NDUFA10: variants seen among roughly 807,000 people sequenced by gnomAD.
The protein encoded by NDUFA10 is NADH:ubiquinone oxidoreductase subunit A10.
In NDUFA10, 40 loss-of-function variants were observed where a neutral mutation model predicts 47.8. The ratio of observed to expected loss-of-function variants is 0.84; its 90% confidence interval spans 0.65 to 1.09. The LOEUF (loss-of-function observed/expected upper bound fraction) is 1.09, where lower values mean the gene tolerates loss of function less well. NDUFA10 is among the 50% of genes least tolerant of loss of function. The pLI is 0.00. For missense variants in NDUFA10, 413 were observed against 451.1 expected (o/e 0.92, Z 0.76); for synonymous variants, 183 against 172.2 (o/e 1.06, Z -0.49).
chr2:239,956,761 C>T (rs1360336628), downstream of NDUFA10, among the ~76,000 whole-genome samples: 2 of 152,178 alleles, frequency 1.3e-5, no homozygotes, highest in Non-Finnish European at 2.9e-5. Context: ...GGAGGAGTGG[C>T]GTCACGGCGG....
intron 4 of NDUFA10, among the ~76,000 whole-genome samples, chr2:239,908,416 G>T (rs1001212442): frequency 1.3e-5 from 2 of 152,150 alleles, no homozygotes; most frequent in African/African-American, 4.8e-5. Context: ...AAAAGAAAAA[G>T]AAAAGATGTC....
At chr2:240,010,121 T>C (rs1227892260) in intron 6 of NDUFA10, among the ~76,000 whole-genome samples, 2 of 152,252 alleles carry the variant, frequency 1.3e-5, no homozygotes, top group Non-Finnish European at 2.9e-5. Flanking sequence ...AAATAATGCA[T>C]ACTGCATAGA....
intron 9 of NDUFA10, chr2:239,983,666 G>A: frequency 6.3e-7 from 1 of 1,578,366 alleles, no homozygotes; most frequent in Non-Finnish European, 8.6e-7. Flanking sequence ...AAGTGCCCCT[G>A]ATGCTTCACC....
In NDUFA10 at chr2:240,021,186, A is replaced by G. The variant is rs1179426078; in HGVS notation, c.460+11T>C. ...GTACAGAACAGATCTAACTGCCCAG[A>G]AATACTGCACCTGTGGTCAGCAAGT... On this transcript the variant is annotated intron_variant, in intron 3 of 9. Transcript: ENST00000252711. 5.0e-6 allele frequency: 8 copies of G among 1,611,030 alleles called. No individual in the cohort carries two copies. The highest frequency in any genetic ancestry group is 6.8e-6 in the Non-Finnish European group (8 of 1,177,386).
chr2:240,022,166 T>C lies in NDUFA10; in HGVS notation c.244+6A>G. The C allele has an allele frequency of 6.2e-7, 1 of 1,605,728 alleles. No homozygotes were observed. The highest frequency in any genetic ancestry group is 8.5e-7 in the Non-Finnish European group (1 of 1,172,372). ...AGGTATCATTCTGTGTAACATAAAA[T>C]CATACCTAGTTTCTCTGCTATTTCT... On this transcript the variant is annotated splice_donor_region_variant and intron_variant, in intron 2 of 9. Transcript: ENST00000252711.
intron 4 of NDUFA10, among the ~76,000 whole-genome samples, chr2:239,907,552 A>C (rs1297749377): frequency 6.6e-6 from 1 of 152,196 alleles, no homozygotes. Flanking sequence ...AATTTACAAG[A>C]AAAAATCAAA....
At chr2:239,903,384 A>T (rs1693589264) in intron 4 of NDUFA10, among the ~76,000 whole-genome samples, 1 of 152,136 alleles carries the variant, frequency 6.6e-6, no homozygotes, top group African/African-American at 2.4e-5. Flanking sequence ...GGCCTTGGCC[A>T]CCTCAGCCCA....
rs1047646456 is a variant in NDUFA10 at position 239,958,895 on chromosome 2, A to G, written c.*2223T>C. 2 of 971,236 alleles carry G rather than the reference A, an allele frequency of 2.1e-6. No individual in the cohort carries two copies. Among genetic ancestry groups the G allele is most frequent in the Non-Finnish European group, 2.4e-6 (2 of 816,974 alleles). 60.2% of individuals were successfully genotyped at this position (971,236 alleles called of 1,614,324 possible). A position where few individuals can be genotyped will look rare whatever the true frequency, so the allele number is the denominator to read the frequency against. On this transcript the variant is annotated 3_prime_UTR_variant, in exon 10 of 10. Transcript: ENST00000252711. Reference sequence around the variant, plus strand: ...TCTCCAAAGCACTGAGAAGTCCAACATGGAATCCTGGAAAATGCACGATTA... The same window carrying G: ...TCTCCAAAGCACTGAGAAGTCCAACGTGGAATCCTGGAAAATGCACGATTA...
chr2:240,021,616 A>G (rs1697627101), intron 2 of NDUFA10, among the ~76,000 whole-genome samples: 1 of 152,258 alleles, frequency 6.6e-6, no homozygotes, highest in South Asian at 2.1e-4. Context: ...TGTGAGCGAA[A>G]GAGCTTGCAC....
chr2:239,969,356 G>A (rs1432580416), intron 9 of NDUFA10: 1 of 207,640 alleles, frequency 4.8e-6, no homozygotes, highest in Non-Finnish European at 1.0e-5. Context: ...TTGGATAAGT[G>A]TGGTGGCCAT....
downstream of NDUFA10, among the ~76,000 whole-genome samples, chr2:239,952,411 AC>A (rs906530290): frequency 1.3e-5 from 2 of 149,378 alleles, no homozygotes; most frequent in Admixed American, 1.3e-4. Context: ...CAGCAAACCC[AC>A]CCCCACTGGC....
downstream of NDUFA10, among the ~76,000 whole-genome samples, chr2:239,953,891 G>A (rs1204190901): frequency 2.0e-5 from 3 of 152,250 alleles, no homozygotes; most frequent in Admixed American, 2.0e-4. Context: ...GCGAGGTGGA[G>A]GACGCCCCCG....
chr2:240,003,817 T>C (rs1373383873), intron 8 of NDUFA10, among the ~76,000 whole-genome samples: 3 of 151,642 alleles, frequency 2.0e-5, no homozygotes, highest in African/African-American at 7.3e-5. Flanking sequence ...CCAAGCAGGA[T>C]GAGATTCCCG....
intron 7 of NDUFA10, 118 bp from the exon 8 acceptor site, chr2:240,005,413 A>C: frequency 1.3e-6 from 1 of 785,088 alleles, no homozygotes; most frequent in South Asian, 1.4e-5. Context: ...TAGTGGCACA[A>C]TCACAGCACA....
In NDUFA10 at chr2:239,950,992, C is replaced by A. The variant is rs183968033; in HGVS notation, c.294+39082G>T. 2.4e-3 allele frequency among the ~76,000 whole-genome samples: 369 copies of A among 152,356 alleles called. 1 individual carries two copies. Among genetic ancestry groups the A allele is most frequent in the Admixed American group, 5.2e-3 (79 of 15,310 alleles). ...TCCAGTACGTTCCGCTTCAGCCCCT[C>A]GTTCCTTTGTCAGGTAGTTGCTGAG... On this transcript the variant is annotated intron_variant, in intron 4 of 5. Coordinates refer to the NDUFA10 transcript ENST00000419408.
chr2:240,018,866 T>C (rs1206264460), intron 3 of NDUFA10, among the ~76,000 whole-genome samples: 1 of 152,192 alleles, frequency 6.6e-6, no homozygotes, highest in Non-Finnish European at 1.5e-5. Context: ...AAGTCAGCTA[T>C]AACAGAAAGC....
At chr2:240,006,383 G>A (rs910711333) in intron 7 of NDUFA10, among the ~76,000 whole-genome samples, 5 of 152,150 alleles carry the variant, frequency 3.3e-5, no homozygotes, top group Non-Finnish European at 7.3e-5. Context: ...CCTCTGCAAG[G>A]AGAATGCTAC....
At chr2:239,940,787 A>G (rs1264471611) in intron 4 of NDUFA10, among the ~76,000 whole-genome samples, 2 of 152,334 alleles carry the variant, frequency 1.3e-5, no homozygotes, top group Middle Eastern at 3.4e-3. Context: ...TCTCCTGGGG[A>G]TGGGAGGTAT....
At chr2:239,907,082 T>A (rs1365661224) in intron 4 of NDUFA10, among the ~76,000 whole-genome samples, 3 of 152,150 alleles carry the variant, frequency 2.0e-5, no homozygotes, top group Admixed American at 6.5e-5. Flanking sequence ...TGGAACAGAT[T>A]AGAGCCCTCA....
Sources: allele counts gnomAD v4.1 joint callset (sites outside exome capture counted in the v4.1 genomes callset), GRCh38; gene constraint gnomAD v4.1.1; transcripts MANE v1.5; gene names NCBI Gene and HGNC (gene_info 2026-07-23, HGNC 2026-07-21).